Variants in TMSB15B observed in about 807,000 individuals in gnomAD.
TMSB15B encodes thymosin beta-15B.
intron 1 of TMSB15B, among the ~76,000 whole-genome samples, chrX:103,921,338 T>A (rs1194582234): frequency 8.9e-6 from 1 of 112,061 alleles, no homozygotes; most frequent in African/African-American, 3.2e-5. Flanking sequence ...CCCTGTCCCG[T>A]GACATCTGAC....
intron 1 of TMSB15B, among the ~76,000 whole-genome samples, chrX:103,926,149 A>G (rs1450540839): frequency 9.1e-6 from 1 of 110,481 alleles, no homozygotes; most frequent in Non-Finnish European, 1.9e-5. Flanking sequence ...TGTACTGGCC[A>G]TGAGCGTTAA....
intron 1 of TMSB15B, among the ~76,000 whole-genome samples, chrX:103,925,627 A>G (rs191851805): frequency 8.9e-6 from 1 of 111,847 alleles, no homozygotes; most frequent in East Asian, 2.8e-4. Context: ...GATGTCATTG[A>G]ATTTCTAAAG....
rs2075048618 is a variant in TMSB15B at position 103,955,270 on chromosome X, C to T, written c.-720-6751C>T. ...TCTTTCTTCCAAATGACTGCATCAC[C>T]TGTCCAGCAAGGGTTTGGAACCAGG... On this transcript the variant is annotated intron_variant, in intron 1 of 3. Transcript: ENST00000419165. Among the ~76,000 whole-genome samples, 6 of 111,060 alleles carry T rather than the reference C, an allele frequency of 5.4e-5. No individual in the cohort carries two copies. The South Asian group carries it at 2.3e-3, about 43-fold the overall frequency.
intron 1 of TMSB15B, among the ~76,000 whole-genome samples, chrX:103,945,955 A>T (rs1468591265): frequency 8.9e-6 from 1 of 112,400 alleles, no homozygotes; most frequent in African/African-American, 3.2e-5. Context: ...ACTAAAGGAA[A>T]TTTTATAAAA....
At chrX:103,953,298 C>T (rs1331358106) in intron 1 of TMSB15B, among the ~76,000 whole-genome samples, 1 of 111,898 alleles carries the variant, frequency 8.9e-6, no homozygotes, top group African/African-American at 3.2e-5. Context: ...AGCGGACATG[C>T]ATGGAGAACC....
chrX:103,928,944 A>G (rs1317457066), intron 1 of TMSB15B: 64 of 1,202,208 alleles, frequency 5.3e-5, no homozygotes, highest in Non-Finnish European at 6.5e-5. Context: ...CCAGTGTGAC[A>G]TGGGGCCTCA....
At chrX:103,930,496 A>G (rs2074981625) in intron 1 of TMSB15B, among the ~76,000 whole-genome samples, 2 of 110,459 alleles carry the variant, frequency 1.8e-5, no homozygotes, top group South Asian at 7.7e-4. Flanking sequence ...GAAAGCAGGG[A>G]TTCTTGTATG....
In TMSB15B at chrX:103,928,408, T is replaced by A. The variant is rs1556319305; in HGVS notation, c.-721+9116T>A. On this transcript the variant is annotated intron_variant, in intron 1 of 3. Coordinates refer to the TMSB15B transcript ENST00000419165. ...TGGGACTTATGATAGCCTGCTGTGCTTTCTCTCTCCTGTTGGGCCACACAC... is the reference window on the plus strand; with the variant it reads ...TGGGACTTATGATAGCCTGCTGTGCATTCTCTCTCCTGTTGGGCCACACAC... The A allele has an allele frequency of 3.3e-6, 4 of 1,207,743 alleles. No homozygotes were observed. In the African/African-American group the frequency reaches 7.0e-5, roughly 21 times the overall value.
intron 1 of TMSB15B, among the ~76,000 whole-genome samples, chrX:103,927,336 T>A (rs1189000448): frequency 8.9e-6 from 1 of 112,170 alleles, no homozygotes; most frequent in Non-Finnish European, 1.9e-5. Flanking sequence ...GGACCAAGAA[T>A]AAAAAATTAT....
intron 1 of TMSB15B, among the ~76,000 whole-genome samples, chrX:103,919,783 A>G (rs1452161031): frequency 5.3e-5 from 6 of 112,587 alleles, no homozygotes; most frequent in African/African-American, 1.9e-4. Flanking sequence ...CCAAAGACAG[A>G]GAGGTTAAGC....
At chrX:103,928,600 C>T (rs1416710190) in intron 1 of TMSB15B, 17 of 1,159,237 alleles carry the variant, frequency 1.5e-5, no homozygotes, top group African/African-American at 1.8e-5. Context: ...GCTTTGGGGG[C>T]GGCTGTCACG....
chrX:103,936,474 T>G (rs1183876242), intron 1 of TMSB15B, among the ~76,000 whole-genome samples: 4 of 112,158 alleles, frequency 3.6e-5, no homozygotes, highest in African/African-American at 1.3e-4. Context: ...GTAGGAATGC[T>G]TATGATTTTT....
At chrX:103,955,912 G>A (rs1230904675) in intron 1 of TMSB15B, among the ~76,000 whole-genome samples, 3 of 111,581 alleles carry the variant, frequency 2.7e-5, no homozygotes, top group African/African-American at 9.8e-5. Context: ...CAGGTCACCT[G>A]CAAAGTGAAG....
intron 1 of TMSB15B, among the ~76,000 whole-genome samples, chrX:103,936,838 T>G (rs2074999279): frequency 8.9e-6 from 1 of 112,403 alleles, no homozygotes; most frequent in African/African-American, 3.2e-5. Flanking sequence ...CCTTGTTTAT[T>G]GAGTGTTTTT....
intron 1 of TMSB15B, among the ~76,000 whole-genome samples, chrX:103,943,411 G>A (rs1556326143): frequency 1.8e-5 from 2 of 111,855 alleles, no homozygotes; most frequent in African/African-American, 3.2e-5. Context: ...AAACATGTTC[G>A]ATTAAAAATC....
At chrX:103,955,690 G>A (rs1434249508) in intron 1 of TMSB15B, among the ~76,000 whole-genome samples, 1 of 111,216 alleles carries the variant, frequency 9.0e-6, no homozygotes, top group Admixed American at 9.6e-5. Flanking sequence ...GAAAGAGATG[G>A]GAAGAATGGA....
chrX:103,940,875 G>A (rs189702738), intron 1 of TMSB15B, among the ~76,000 whole-genome samples: 27 of 111,829 alleles, frequency 2.4e-4, no homozygotes, highest in Admixed American at 2.4e-3. Context: ...TCTTTGGGTT[G>A]CAAAGACCTT....
chrX:103,933,493 C>T (rs2385014), intron 1 of TMSB15B, among the ~76,000 whole-genome samples: 35,028 of 110,815 alleles, frequency 0.32, 4,885 homozygotes, highest in Middle Eastern at 0.53. Flanking sequence ...TCCTCTCCCC[C>T]CGCCAATGAT....
intron 1 of TMSB15B, among the ~76,000 whole-genome samples, chrX:103,954,379 G>A (rs1289522589): frequency 2.7e-5 from 3 of 111,821 alleles, no homozygotes; most frequent in Admixed American, 9.4e-5. Flanking sequence ...CGTGCTCTGG[G>A]GCCCACACCA....
Sources: gnomAD v4.1 joint callset for allele counts (sites outside exome capture counted in the v4.1 genomes callset) on GRCh38, gnomAD v4.1.1 for gene constraint, MANE v1.5 for transcripts, NCBI Gene and HGNC (gene_info 2026-07-23, HGNC 2026-07-21) for gene names.